Variants in AGO1 observed in about 807,000 individuals in gnomAD.
AGO1 encodes protein argonaute-1.
In AGO1, 11 loss-of-function variants were observed where a neutral mutation model predicts 109.2. The observed-to-expected ratio is 0.10, with a 90% CI of 0.06 to 0.17. The LOEUF is 0.17. Among genes scored for constraint, AGO1 ranks in the 10% least tolerant of loss-of-function variants. The pLI is 1.00. For synonymous variants in AGO1, 422 were observed against 418.6 expected, an observed-to-expected ratio of 1.01 and a Z score of -0.10; for missense variants, 574 against 1,140.3, an observed-to-expected ratio of 0.50 and a Z score of 7.15.
intron 16 of AGO1, among the ~76,000 whole-genome samples, chr1:35,918,031 G>C (rs542874781): frequency 6.6e-6 from 1 of 152,320 alleles, no homozygotes; most frequent in East Asian, 1.9e-4. Context: ...CTATGTGCCA[G>C]ATACTGTACA....
rs1266300053 is a variant in AGO1, at chr1:35,883,860, T to C, written c.25+414T>C. 2.0e-5 allele frequency among the ~76,000 whole-genome samples: 3 copies of C among 152,158 alleles called. No individual in the cohort carries two copies. Among genetic ancestry groups the C allele is most frequent in the Non-Finnish European group, 4.4e-5 (3 of 68,010 alleles). ...GGGGCTCCGCTGGGCTGGAATAGGC[T>C]AATGTCTCTTGGGAGAAGGCGCCAG... is the stretch of plus-strand genomic sequence containing the variant. On this transcript the variant is annotated intron_variant, in intron 1 of 18. Transcript: ENST00000373204. This position sits in a 1 kb window ranked among gnomAD's most constrained non-coding sequence, Gnocchi z 5.4.
At chr1:35,875,601 A>G (rs1283553210) in intron 1 of AGO1, among the ~76,000 whole-genome samples, 5 of 151,978 alleles carry the variant, frequency 3.3e-5, no homozygotes, top group African/African-American at 9.7e-5. Context: ...TTTAGTAGAG[A>G]TGGGGTTTCA....
chr1:35,918,491 A>G, intron 17 of AGO1, 68 bp downstream of exon 17: 1 of 1,187,522 alleles, frequency 8.4e-7, no homozygotes, highest in East Asian at 2.3e-5. Flanking sequence ...TGCCTCTAGA[A>G]TGTATCAGTC....
At chr1:35,914,563 G>A (rs963329671) in intron 14 of AGO1, among the ~76,000 whole-genome samples, 1 of 152,110 alleles carries the variant, frequency 6.6e-6, no homozygotes, top group African/African-American at 2.4e-5. Flanking sequence ...TGGGATGTAG[G>A]GGAGGGACTA....
rs771966463 is a variant in AGO1 at position 35,911,838 on chromosome 1, C to T, written c.1583-2004C>T. ...ATTTCTGGTCCTGATTTTACCTCAT[C>T]TCTTAGACACATTTCACTTTGTTGA... On this transcript the variant is annotated intron_variant, in intron 12 of 18. Transcript: ENST00000373204. Among the ~76,000 whole-genome samples, 20 of 152,264 alleles carry T rather than the reference C, an allele frequency of 1.3e-4. No homozygotes were observed. In the South Asian group the frequency reaches 2.5e-3, roughly 19 times the overall value.
chr1:35,880,483 G>A (rs1056719198), upstream of AGO1, among the ~76,000 whole-genome samples: 12 of 152,118 alleles, frequency 7.9e-5, no homozygotes, highest in Non-Finnish European at 1.6e-4. Flanking sequence ...AATTACTTGC[G>A]CCTGAGAGGT....
chr1:35,909,320 A>C (rs1448246298), intron 12 of AGO1, among the ~76,000 whole-genome samples: 1 of 152,240 alleles, frequency 6.6e-6, no homozygotes, highest in Non-Finnish European at 1.5e-5. Context: ...AGAGAGCTGA[A>C]TTTGAATTTA....
chr1:35,913,759 G>A (rs1645684495), intron 12 of AGO1, 83 bp from the exon 13 acceptor site: 1 of 1,422,510 alleles, frequency 7.0e-7, no homozygotes. Context: ...GTGTTCCCTA[G>A]CACCTCATAC....
intron 14 of AGO1, 33 bp downstream of exon 14, chr1:35,914,307 T>A: frequency 6.3e-7 from 1 of 1,576,746 alleles, no homozygotes; most frequent in Non-Finnish European, 8.7e-7. Context: ...CTCATAAGGT[T>A]CTCCTCTTCG....
intron 2 of AGO1, among the ~76,000 whole-genome samples, chr1:35,891,832 T>C (rs1469023067): frequency 6.6e-6 from 1 of 152,118 alleles, no homozygotes; most frequent in Non-Finnish European, 1.5e-5. Context: ...CCCAAAGTGC[T>C]GGGATTATAG....
At chr1:35,889,234 G>A (rs1486301337) in intron 2 of AGO1, among the ~76,000 whole-genome samples, 1 of 71,074 alleles carries the variant, frequency 1.4e-5, no homozygotes, top group East Asian at 4.1e-4. Context: ...TTTTGTTTTT[G>A]AGAGGGAGTT....
chr1:35,902,043 G>T lies in AGO1; in HGVS notation c.1236G>T (p.Pro412=). The T allele has an allele frequency of 1.9e-6, 3 of 1,609,302 alleles. 1 individual carries two copies. The highest frequency in any genetic ancestry group is 2.2e-5 in the South Asian group (2 of 90,572). The change falls in exon 10 of 19, where the codon CCG becomes CCT. Residue 412 remains proline, a synonymous_variant. Transcript: ENST00000373204. ...DMTEVTGRVL[P]APILQYGGRN... Reference sequence around the variant, plus strand: ...CGGAGGTGACAGGGCGAGTGCTGCCGGCGCCCATCTTGCAGTACGGCGGCC... The same window carrying T: ...CGGAGGTGACAGGGCGAGTGCTGCCTGCGCCCATCTTGCAGTACGGCGGCC...
rs1645261198 is a variant in AGO1, at chr1:35,893,541, A to AG, written c.513-133_513-132insG. On this transcript the variant is annotated intron_variant, in intron 4 of 18. Transcript: ENST00000373204. This position sits in a 1 kb window ranked among gnomAD's most constrained non-coding sequence, Gnocchi z 5.6. ...AAACTTGTACAAGGTCAGTCATACA[A>AG]CTAGTAAAGCATCAGAGCTGGCATT... The AG allele has an allele frequency of 5.0e-6, 5 of 995,636 alleles. No individual in the cohort carries two copies. In the South Asian group the frequency reaches 8.5e-5, roughly 17 times the overall value. The allele number at this position is 995,636 out of a possible 1,614,324, so 61.7% of individuals were successfully genotyped here.
chr1:35,889,251 T>C (rs945397687), intron 2 of AGO1, among the ~76,000 whole-genome samples: 1 of 151,378 alleles, frequency 6.6e-6, no homozygotes, highest in African/African-American at 2.4e-5. Flanking sequence ...AGTTTTGCTC[T>C]TGCCCAGGCT....
intron 1 of AGO1, among the ~76,000 whole-genome samples, chr1:35,870,539 C>T (rs1272577499): frequency 6.6e-6 from 1 of 152,184 alleles, no homozygotes; most frequent in East Asian, 1.9e-4. Flanking sequence ...CGCCTCGCCT[C>T]CCAAAGTGCT....
At chr1:35,900,372 C>T (rs1645392392) in intron 8 of AGO1, among the ~76,000 whole-genome samples, 1 of 152,220 alleles carries the variant, frequency 6.6e-6, no homozygotes, top group South Asian at 2.1e-4. Context: ...GAACTATACT[C>T]AGTCCTTTAA....
At chr1:35,906,465 C>CT (rs1054110560) in intron 11 of AGO1, among the ~76,000 whole-genome samples, 4 of 152,140 alleles carry the variant, frequency 2.6e-5, no homozygotes, top group African/African-American at 9.7e-5. Flanking sequence ...CCTTACTCAA[C>CT]TATAAACATA....
At chr1:35,890,732 T>C (rs1018818273) in intron 2 of AGO1, among the ~76,000 whole-genome samples, 2 of 152,206 alleles carry the variant, frequency 1.3e-5, no homozygotes, top group Non-Finnish European at 2.9e-5. Context: ...TTTTTAAAGG[T>C]AAGTTGTATC....
intron 14 of AGO1, 151 bp from the exon 15 acceptor site, chr1:35,915,197 T>C: frequency 3.3e-6 from 2 of 606,268 alleles, no homozygotes; most frequent in Non-Finnish European, 5.7e-6. Context: ...TCTGCTTGTG[T>C]GATAGAATAG....
Sources: allele counts gnomAD v4.1 joint callset (sites outside exome capture counted in the v4.1 genomes callset), GRCh38; gene constraint gnomAD v4.1.1; non-coding constraint Gnocchi (gnomAD v3.1); transcripts MANE v1.5; gene names NCBI Gene and HGNC (gene_info 2026-07-23, HGNC 2026-07-21).